CPLANE1: variants seen among roughly 807,000 people sequenced by gnomAD.
CPLANE1 encodes ciliogenesis and planar polarity effector complex subunit 1.
A neutral mutation model predicts 362.5 loss-of-function variants in CPLANE1; 263 were observed. The observed-to-expected ratio is 0.73, with a 90% CI of 0.66 to 0.80. CPLANE1 has a LOEUF of 0.80. Ranked by LOEUF, CPLANE1 falls within the 30% of genes least tolerant of loss-of-function variation. The pLI is 0.00. For synonymous variants in CPLANE1, 1,212 were observed against 1,302.6 expected (o/e 0.93, Z 1.50); for missense variants, 3,461 against 3,793.4 (o/e 0.91, Z 2.30).
chr5:37,149,084 G>A (rs544976893), intron 42 of CPLANE1, among the ~76,000 whole-genome samples: 1 of 151,740 alleles, frequency 6.6e-6, no homozygotes, highest in East Asian at 1.9e-4. Context: ...AAATTGTGGT[G>A]TGTGTGTGTG....
chr5:37,226,214 A>T, intron 12 of CPLANE1, 90 bp downstream of exon 12: 1 of 865,884 alleles, frequency 1.2e-6, no homozygotes, highest in South Asian at 2.3e-5. Flanking sequence ...AAAATGATGA[A>T]TTTTACAATA....
At chr5:37,124,264 AT>A (rs1763528808) in intron 47 of CPLANE1, among the ~76,000 whole-genome samples, 1 of 151,976 alleles carries the variant, frequency 6.6e-6, no homozygotes, top group Non-Finnish European at 1.5e-5. Flanking sequence ...AAAGTAAAAG[AT>A]AAACTGTAAT....
intron 44 of CPLANE1, chr5:37,140,245 A>G: frequency 1.1e-6 from 1 of 927,222 alleles, no homozygotes; most frequent in Non-Finnish European, 1.3e-6. Flanking sequence ...TTCTCAAAAA[A>G]TATTCCTTAA....
chr5:37,234,523 AACAAAGCCTTCAAGAGGTCTG>A (rs1421752767), intron 8 of CPLANE1, among the ~76,000 whole-genome samples: 2 of 151,850 alleles, frequency 1.3e-5, no homozygotes, highest in East Asian at 3.8e-4. Flanking sequence ...AAAAAGAATG[AACAAAGCCTTCAAGAGGTCTG>A]GGAGTACAAA....
intron 12 of CPLANE1, among the ~76,000 whole-genome samples, chr5:37,225,549 AT>A (rs988837648): frequency 2.0e-5 from 3 of 152,092 alleles, no homozygotes; most frequent in Admixed American, 6.5e-5. Flanking sequence ...TAAAGAGGTC[AT>A]TTTTTTAAGA....
chr5:37,165,469 A>G, intron 36 of CPLANE1, 70 bp downstream of exon 36: 1 of 1,484,704 alleles, frequency 6.7e-7, no homozygotes, highest in Non-Finnish European at 9.3e-7. Context: ...CAGACTAGAT[A>G]AACCACAAAG....
intron 46 of CPLANE1, among the ~76,000 whole-genome samples, chr5:37,130,128 A>C (rs301868): frequency 0.14 from 21,711 of 152,192 alleles, 1,774 homozygotes; most frequent in African/African-American, 0.21. Context: ...CATTATCCTA[A>C]GTGAAATAAC....
intron 51 of CPLANE1, 87 bp from the exon 52 acceptor site, chr5:37,108,558 G>A: frequency 8.1e-7 from 1 of 1,227,054 alleles, no homozygotes; most frequent in Non-Finnish European, 1.1e-6. Context: ...TATCATCAAA[G>A]CCAAGGTAGT....
intron 41 of CPLANE1, among the ~76,000 whole-genome samples, chr5:37,155,021 T>C (rs1225584355): frequency 6.6e-6 from 1 of 152,208 alleles, no homozygotes; most frequent in Non-Finnish European, 1.5e-5. Context: ...CAAGTATTGA[T>C]GATTCTACCT....
At chr5:37,141,431 C>T (rs1334249910) in intron 44 of CPLANE1, 29 of 984,988 alleles carry the variant, frequency 2.9e-5, no homozygotes, top group Non-Finnish European at 3.3e-5. Context: ...TCAGTCTTCA[C>T]AACTTTGTGA....
the CPLANE1 span, among the ~76,000 whole-genome samples, chr5:37,080,924 T>C: frequency 6.6e-6 from 1 of 152,228 alleles, no homozygotes; most frequent in Non-Finnish European, 1.5e-5. Flanking sequence ...TTCAAGATGA[T>C]TATCTTTGAA....
chr5:37,082,181 G>A, the CPLANE1 span, among the ~76,000 whole-genome samples: 8 of 151,572 alleles, frequency 5.3e-5, no homozygotes, highest in Non-Finnish European at 1.2e-4. Flanking sequence ...AACAATGGGA[G>A]CAAGAAGACA....
chr5:37,219,855 C>T (rs1447196044), intron 15 of CPLANE1, among the ~76,000 whole-genome samples: 1 of 152,076 alleles, frequency 6.6e-6, no homozygotes, highest in Non-Finnish European at 1.5e-5. Context: ...AAAAACTAAA[C>T]TTGTAAGTGA....
chr5:37,115,035 T>A lies in CPLANE1; in HGVS notation c.9325A>T (p.Thr3109Ser). The change falls in exon 51 of 53, where the codon ACC (threonine) becomes TCC (serine). Residue 3109 changes from threonine (T) to serine (S), a missense_variant. Coordinates refer to ENST00000651892, the MANE Select transcript of CPLANE1 (RefSeq NM_001384732.1). ...SPWPHGTATF[T>S]IQKKAGGAKA... ...GCTCCACCAGCTTTTTTCTGTATGGTGAAAGTGGCAGTTCCTATACAGAGA... is the reference window on the plus strand; with the variant it reads ...GCTCCACCAGCTTTTTTCTGTATGGAGAAAGTGGCAGTTCCTATACAGAGA... 6.2e-7 allele frequency: 1 copy of A among 1,606,796 alleles called. No homozygotes were observed. Among genetic ancestry groups the A allele is most frequent in the Non-Finnish European group, 8.5e-7 (1 of 1,174,772 alleles).
At chr5:37,103,452 T>C (rs553680060), downstream of CPLANE1, among the ~76,000 whole-genome samples, 1 of 152,356 alleles carries the variant, frequency 6.6e-6, no homozygotes, top group Non-Finnish European at 1.5e-5. Flanking sequence ...ATGTGGTTGC[T>C]TCATAGTGTC....
chr5:37,158,547 GCTGA>G (rs1002852464), intron 38 of CPLANE1, among the ~76,000 whole-genome samples: 4 of 152,090 alleles, frequency 2.6e-5, no homozygotes, highest in South Asian at 2.1e-4. Flanking sequence ...TTGAATGTAA[GCTGA>G]CTATTGTTTC....
intron 21 of CPLANE1, among the ~76,000 whole-genome samples, chr5:37,190,191 C>T (rs911478755): frequency 3.3e-5 from 5 of 151,920 alleles, no homozygotes; most frequent in African/African-American, 7.3e-5. Flanking sequence ...CAGAATAGAA[C>T]GGGTTCTACT....
chr5:37,136,715 A>T (rs1274323625), intron 46 of CPLANE1, among the ~76,000 whole-genome samples: 2 of 152,194 alleles, frequency 1.3e-5, no homozygotes, highest in Non-Finnish European at 1.5e-5. Flanking sequence ...CCAAACTTCA[A>T]TTCTTGACTT....
At chr5:37,224,797 G>C (rs1461567040) in intron 12 of CPLANE1, 57 bp from the exon 13 acceptor site, 21 of 1,213,148 alleles carry the variant, frequency 1.7e-5, no homozygotes, top group African/African-American at 3.1e-5. Flanking sequence ...GATGAGTTTA[G>C]CCTCCTTTTT....
Sources: gnomAD v4.1 joint callset for allele counts (sites outside exome capture counted in the v4.1 genomes callset) on GRCh38, gnomAD v4.1.1 for gene constraint, MANE v1.5 for transcripts, NCBI Gene and HGNC (gene_info 2026-07-23, HGNC 2026-07-21) for gene names.